The following ENPP2 variants were observed in gnomAD, a reference collection of about 807,000 sequenced individuals.
ENPP2 encodes ectonucleotide pyrophosphatase/phosphodiesterase 2.
ENPP2 carries 51 observed loss-of-function variants against 120.2 expected under a neutral mutation model. That is an observed-to-expected ratio of 0.42 (90% confidence interval 0.34 to 0.54). The LOEUF is 0.54. Ranked by LOEUF, ENPP2 falls within the 20% of genes least tolerant of loss-of-function variation. The pLI is 0.04. For missense variants in ENPP2, 920 were observed against 1,066.5 expected (o/e 0.86, Z 1.91); for synonymous variants, 365 against 366.4 (o/e 1.00, Z 0.04).
At chr8:119,568,845 C>T (rs146091127) in intron 21 of ENPP2, among the ~76,000 whole-genome samples, 2,029 of 152,242 alleles carry the variant, frequency 0.013, 43 homozygotes, top group African/African-American at 0.045. Flanking sequence ...GCAACCCTCC[C>T]ATCTTGGCCT....
intron 2 of ENPP2, among the ~76,000 whole-genome samples, chr8:119,634,697 G>C (rs1164107200): frequency 6.6e-6 from 1 of 152,088 alleles, no homozygotes; most frequent in Non-Finnish European, 1.5e-5. Context: ...TTAATGAAAG[G>C]TTTTTCAAAC....
At chr8:119,626,834 C>G in intron 2 of ENPP2, 114 bp from the exon 3 acceptor site, 1 of 932,302 alleles carries the variant, frequency 1.1e-6, no homozygotes, top group South Asian at 1.6e-5. Context: ...GAGGAGAACA[C>G]TGGCTCCATT....
chr8:119,643,853 T>C (rs1817352942), intron 1 of ENPP2, among the ~76,000 whole-genome samples: 2 of 152,338 alleles, frequency 1.3e-5, no homozygotes, highest in Middle Eastern at 3.4e-3. Context: ...TAAGTGTTCA[T>C]TGAGCTGCGA....
At chr8:119,660,581 C>T (rs562969546) in intron 1 of ENPP2, among the ~76,000 whole-genome samples, 70 of 152,296 alleles carry the variant, frequency 4.6e-4, no homozygotes, top group African/African-American at 1.6e-3. Context: ...TGAGCAGAAG[C>T]TTTGGAATTC....
intron 6 of ENPP2, 61 bp from the exon 7 acceptor site, chr8:119,617,304 C>A: frequency 7.2e-7 from 1 of 1,383,488 alleles, no homozygotes; most frequent in Non-Finnish European, 1.0e-6. Flanking sequence ...TATAGAAAAT[C>A]CATTTTATAA....
chr8:119,611,915 GCTACC>G (rs1815136897), intron 8 of ENPP2, among the ~76,000 whole-genome samples: 1 of 152,166 alleles, frequency 6.6e-6, no homozygotes, highest in Non-Finnish European at 1.5e-5. Flanking sequence ...TGTAATCCCA[GCTACC>G]CAGGAGGTAG....
At chr8:119,573,929 T>C (rs1178992380) in intron 19 of ENPP2, among the ~76,000 whole-genome samples, 1 of 152,190 alleles carries the variant, frequency 6.6e-6, no homozygotes, top group East Asian at 1.9e-4. Flanking sequence ...TTTTTCTCAA[T>C]TATTACTGAG....
chr8:119,584,088 AT>A (rs771554668), intron 15 of ENPP2, 39 bp from the exon 16 acceptor site: 3 of 1,345,200 alleles, frequency 2.2e-6, no homozygotes, highest in Non-Finnish European at 3.2e-6. Context: ...AGAATTTCTC[AT>A]GAAATTACTT....
intron 2 of ENPP2, among the ~76,000 whole-genome samples, chr8:119,629,191 AATAG>A (rs1374007235): frequency 2.0e-5 from 3 of 152,088 alleles, no homozygotes; most frequent in Admixed American, 1.3e-4. Flanking sequence ...TATACCGTAT[AATAG>A]ATGTGTGTGT....
intron 1 of ENPP2, among the ~76,000 whole-genome samples, chr8:119,671,661 T>C (rs1181931868): frequency 6.6e-6 from 1 of 152,202 alleles, no homozygotes; most frequent in Non-Finnish European, 1.5e-5. Context: ...ATCCAGGTCC[T>C]AACTCGGTGA....
intron 2 of ENPP2, among the ~76,000 whole-genome samples, chr8:119,627,370 GA>G (rs1816352695): frequency 2.6e-5 from 4 of 151,938 alleles, no homozygotes; most frequent in Admixed American, 6.6e-5. Context: ...AAAATTTGGG[GA>G]AAAAAAGAAT....
intron 1 of ENPP2, among the ~76,000 whole-genome samples, chr8:119,650,723 A>G (rs1442823823): frequency 1.3e-5 from 2 of 152,128 alleles, no homozygotes; most frequent in Non-Finnish European, 2.9e-5. Context: ...TGTGTGATGA[A>G]ACCCTCTGCA....
intron 3 of ENPP2, among the ~76,000 whole-genome samples, chr8:119,626,083 C>T (rs532075254): frequency 1.3e-5 from 2 of 152,260 alleles, no homozygotes; most frequent in Admixed American, 1.3e-4. Context: ...TTAGGCCAGG[C>T]ACAGTGGCTC....
In ENPP2 at chr8:119,638,174, T is replaced by A. The variant is rs183110832; in HGVS notation, c.136+251A>T. Among the ~76,000 whole-genome samples, 36 of 152,282 alleles carry A rather than the reference T, an allele frequency of 2.4e-4. 1 individual carries two copies. In the East Asian group the frequency reaches 5.8e-3, roughly 24 times the overall value. On this transcript the variant is annotated intron_variant, in intron 2 of 24. Coordinates refer to ENST00000075322, the MANE Select transcript of ENPP2 (RefSeq NM_001040092.3). Reference sequence around the variant, plus strand: ...TCTGTGAACAAGAGTTTTAATTGTATCCTAACATTTACAAATTTGAGTACA... The same window carrying A: ...TCTGTGAACAAGAGTTTTAATTGTAACCTAACATTTACAAATTTGAGTACA...
In ENPP2 at chr8:119,626,797, T is replaced by A. The variant is rs1028944572; in HGVS notation, c.137-77A>T. On this transcript the variant is annotated intron_variant, in intron 2 of 24. Transcript: ENST00000075322. ...ATGGAAAGGTGGCACTGGGAAGCTG[T>A]GCGGTGTGATGCTGCAGTGGACTCT... The A allele has an allele frequency of 3.8e-6, 5 of 1,302,892 alleles. No homozygotes were observed. In the Admixed American group the frequency reaches 5.2e-5, roughly 13 times the overall value. The allele number at this position is 1,302,892 out of a possible 1,614,324, so 80.7% of individuals were successfully genotyped here. A position where few individuals can be genotyped will look rare whatever the true frequency, so the allele number is the denominator to read the frequency against.
At chr8:119,578,177 C>T (rs1812479653) in intron 19 of ENPP2, among the ~76,000 whole-genome samples, 1 of 152,008 alleles carries the variant, frequency 6.6e-6, no homozygotes, top group Admixed American at 6.6e-5. Context: ...CAGTCTCCCA[C>T]GTAGCTGGGA....
intron 8 of ENPP2, among the ~76,000 whole-genome samples, chr8:119,612,627 C>T (rs964459772): frequency 5.9e-5 from 9 of 152,194 alleles, no homozygotes; most frequent in Non-Finnish European, 1.2e-4. Flanking sequence ...GTTGGGATCA[C>T]GCCTGTAATA....
chr8:119,634,191 AATAC>A (rs5894490), intron 2 of ENPP2, among the ~76,000 whole-genome samples: 38,519 of 147,518 alleles, frequency 0.26, 5,355 homozygotes, highest in Middle Eastern at 0.43. Context: ...TCAAAAAATA[AATAC>A]ATACATACAT....
Position 119,626,710 on chromosome 8 carries a change from G to A in ENPP2, c.147C>T (p.Asp49=). 1.2e-6 allele frequency: 2 copies of A among 1,614,018 alleles called. No homozygotes were observed. Among genetic ancestry groups the A allele is most frequent in the South Asian group, 1.1e-5 (1 of 91,074 alleles). ...ATCCGGAGATGTTGGTCCAGGGGGA[G>A]TCTGATAGCACTGCAAAGAACAAGA... ...WEEGPPTVLS[D]SPWTNISGSC... is the part of the protein sequence containing the mutation. The change falls in exon 3 of 25, where the codon GAC becomes GAT. Residue 49 remains aspartate (D), a synonymous_variant. Coordinates refer to ENST00000075322, the MANE Select transcript of ENPP2 (RefSeq NM_001040092.3).
Sources: allele counts gnomAD v4.1 joint callset (sites outside exome capture counted in the v4.1 genomes callset), GRCh38; gene constraint gnomAD v4.1.1; transcripts MANE v1.5; gene names NCBI Gene and HGNC (gene_info 2026-07-23, HGNC 2026-07-21).